Variants in BCAS3 observed in about 807,000 individuals in gnomAD.
BCAS3 encodes BCAS3 microtubule associated cell migration factor, also known as BCAS4/BCAS3 fusion.
BCAS3 carries 53 observed loss-of-function variants against 116.1 expected under a neutral mutation model. The observed-to-expected ratio is 0.46, with a 90% confidence interval of 0.37 to 0.57. The LOEUF is 0.57. Ranked by LOEUF, BCAS3 falls within the 20% of genes least tolerant of loss-of-function variation. The pLI, the probability that BCAS3 is intolerant of heterozygous loss-of-function variation, is 0.00. For missense variants in BCAS3, 917 were observed against 1,165.4 expected, an observed-to-expected ratio of 0.79 and a Z score of 3.10; for synonymous variants, 391 against 408.2, an observed-to-expected ratio of 0.96 and a Z score of 0.51.
chr17:61,277,463 A>G (rs1041397248), intron 22 of BCAS3, among the ~76,000 whole-genome samples: 7 of 152,122 alleles, frequency 4.6e-5, no homozygotes, highest in African/African-American at 9.7e-5. Context: ...TATGACACCA[A>G]AAGTACAAAC....
In BCAS3 at chr17:61,244,031, T is replaced by C. The variant is rs1411218085; in HGVS notation, c.2426-124296T>C. On this transcript the variant is annotated intron_variant, in intron 22 of 23. Coordinates refer to ENST00000407086, the MANE Select transcript of BCAS3 (RefSeq NM_017679.5). The surrounding 1 kb of genome is among the most constrained non-coding windows in gnomAD (Gnocchi z 4.9). The stretch of plus-strand genomic sequence containing the variant: ...GTCCTGAACTCCTGGCCTCAAGTGA[T>C]TCTCCCTGTCTCAGCCTCCCAAAGG... 6.6e-6 allele frequency among the ~76,000 whole-genome samples: 1 copy of C among 152,116 alleles called. No individual in the cohort carries two copies. The highest frequency in any genetic ancestry group is 1.5e-5 in the Non-Finnish European group (1 of 68,018).
Position 61,348,688 on chromosome 17 carries a change from G to A in BCAS3, c.2426-19639G>A, listed in dbSNP as rs2057649160. On this transcript the variant is annotated intron_variant, in intron 22 of 23. Transcript: ENST00000407086. The surrounding 1 kb of genome is among the most constrained non-coding windows in gnomAD (Gnocchi z 4.5). Reference sequence around the variant, plus strand: ...GTTGCCCACAAGGGACCACATCATTGTACCTAAGCTGCCATGATCATGGGA... The same window carrying A: ...GTTGCCCACAAGGGACCACATCATTATACCTAAGCTGCCATGATCATGGGA... Among the ~76,000 whole-genome samples the A allele has an allele frequency of 6.6e-6, 1 of 151,716 alleles. No homozygotes were observed.
rs2057673630 is a variant in BCAS3, at chr17:61,348,973, T to C, written c.2426-19354T>C. Among the ~76,000 whole-genome samples the C allele has an allele frequency of 6.6e-6, 1 of 151,788 alleles. No homozygotes were observed. The highest frequency in any genetic ancestry group is 1.5e-5 in the Non-Finnish European group (1 of 67,956). ...TTCACCGTGTTAGCCAGGATGGTCT[T>C]GATCTCCTGACCTCATGATCCACCC... On this transcript the variant is annotated intron_variant, in intron 22 of 23. Coordinates refer to ENST00000407086, the MANE Select transcript of BCAS3 (RefSeq NM_017679.5). This position sits in a 1 kb window ranked among gnomAD's most constrained non-coding sequence, Gnocchi z 4.5.
chr17:60,861,293 G>T (rs1240738733), intron 7 of BCAS3, among the ~76,000 whole-genome samples: 1 of 152,032 alleles, frequency 6.6e-6, no homozygotes, highest in Non-Finnish European at 1.5e-5. Flanking sequence ...CTCTCAGCTG[G>T]GATATTATCG....
chr17:61,195,056 G>A (rs888289063), intron 22 of BCAS3, among the ~76,000 whole-genome samples: 6 of 152,284 alleles, frequency 3.9e-5, no homozygotes, highest in African/African-American at 7.2e-5. Context: ...AGACTCTGTC[G>A]ATCTGTTGCA....
In BCAS3 at chr17:61,300,618, G is replaced by A. The variant is rs1462320990; in HGVS notation, c.2426-67709G>A. ...AGTAATGCCATGCGAGGGCAAGCTG[G>A]GAACAGTGAACACTCAAACAATGAG... On this transcript the variant is annotated intron_variant, in intron 22 of 23. Transcript: ENST00000407086. The surrounding 1 kb of genome is among the most constrained non-coding windows in gnomAD (Gnocchi z 5.1). 6.6e-6 allele frequency among the ~76,000 whole-genome samples: 1 copy of A among 152,140 alleles called. No individual in the cohort carries two copies. The highest frequency in any genetic ancestry group is 2.1e-4 in the South Asian group (1 of 4,822).
In BCAS3 at chr17:61,106,808, G is replaced by T. The variant is rs531080566; in HGVS notation, c.2425+22244G>T. ...GTCTGATTTTCTATCATTAAACTTT[G>T]AGATCGTTTAGAATTTTTTACCATA... On this transcript the variant is annotated intron_variant, in intron 22 of 23. Coordinates refer to ENST00000407086, the MANE Select transcript of BCAS3 (RefSeq NM_017679.5). The surrounding 1 kb of genome is among the most constrained non-coding windows in gnomAD (Gnocchi z 4.2). Among the ~76,000 whole-genome samples the T allele has an allele frequency of 1.6e-4, 24 of 152,234 alleles. No homozygotes were observed. The highest frequency in any genetic ancestry group is 5.3e-4 in the African/African-American group (22 of 41,550).
chr17:60,984,100 C>T (rs1326552991), intron 14 of BCAS3, among the ~76,000 whole-genome samples: 1 of 152,192 alleles, frequency 6.6e-6, no homozygotes, highest in African/African-American at 2.4e-5. Context: ...GCTTTTAGGA[C>T]AGTCTTTAAT....
At chr17:60,882,998 TGG>T (rs2056321511) in intron 9 of BCAS3, among the ~76,000 whole-genome samples, 1 of 120,942 alleles carries the variant, frequency 8.3e-6, no homozygotes, top group Non-Finnish European at 1.7e-5. Flanking sequence ...GGTAGCTTGA[TGG>T]GGATGGCATT....
rs4968537 is a variant in BCAS3 at position 61,205,905 on chromosome 17, C to T, written c.2425+121341C>T. Among the ~76,000 whole-genome samples, 134,822 of 151,880 alleles carry T rather than the reference C, an allele frequency of 0.89. 60,452 individuals are homozygous for T. Among genetic ancestry groups the T allele is most frequent in the Non-Finnish European group, 0.96 (65,385 of 67,958 alleles). Reference sequence around the variant, plus strand: ...GGCAAACACAACCAAAAAGACAGCCCTTTTGCTTAGTTAGGAAGATAATTT... The same window carrying T: ...GGCAAACACAACCAAAAAGACAGCCTTTTTGCTTAGTTAGGAAGATAATTT... On this transcript the variant is annotated intron_variant, in intron 22 of 23. Coordinates refer to ENST00000407086, the MANE Select transcript of BCAS3 (RefSeq NM_017679.5). The surrounding 1 kb of genome is among the most constrained non-coding windows in gnomAD (Gnocchi z 5.2).
chr17:61,045,614 G>GGCCAACATGACGAA (rs2067982946), intron 19 of BCAS3, among the ~76,000 whole-genome samples: 1 of 149,374 alleles, frequency 6.7e-6, no homozygotes, highest in Admixed American at 6.8e-5. Flanking sequence ...CCAGGAGTTT[G>GGCCAACATGACGAA]ATATCAGCCT....
chr17:60,866,581 C>T (rs955463272), intron 7 of BCAS3, among the ~76,000 whole-genome samples: 1 of 152,120 alleles, frequency 6.6e-6, no homozygotes, highest in Admixed American at 6.5e-5. Context: ...ACTCTTCTAC[C>T]TTACGAAAGA....
intron 22 of BCAS3, among the ~76,000 whole-genome samples, chr17:61,193,750 T>C (rs1422971981): frequency 1.1e-4 from 5 of 46,718 alleles, no homozygotes; most frequent in South Asian, 1.0e-3. Context: ...AGAGCGAAAC[T>C]CCATCTCAAA....
At chr17:60,693,620 C>T (rs1208666255) in intron 4 of BCAS3, among the ~76,000 whole-genome samples, 1 of 151,314 alleles carries the variant, frequency 6.6e-6, no homozygotes, top group East Asian at 1.9e-4. Flanking sequence ...ACCATGTTCC[C>T]TAAACTGGTC....
intron 22 of BCAS3, among the ~76,000 whole-genome samples, chr17:61,185,313 T>C (rs1404307572): frequency 1.3e-5 from 2 of 152,134 alleles, no homozygotes; most frequent in Non-Finnish European, 2.9e-5. Context: ...AAAATAAAAA[T>C]TTTATTTGAA....
chr17:61,227,619 G>A lies in BCAS3; in HGVS notation c.2426-140708G>A, dbSNP rs1448271023. ...AAGGCCACATGGCCGAGAGACAGGT[G>A]GGAAGCCAAGGAAGAATAAATTGGG... On this transcript the variant is annotated intron_variant, in intron 22 of 23. Coordinates refer to ENST00000407086, the MANE Select transcript of BCAS3 (RefSeq NM_017679.5). This position sits in a 1 kb window ranked among gnomAD's most constrained non-coding sequence, Gnocchi z 6.1. Among the ~76,000 whole-genome samples the A allele has an allele frequency of 6.6e-6, 1 of 152,178 alleles. No homozygotes were observed. The highest frequency in any genetic ancestry group is 2.4e-5 in the African/African-American group (1 of 41,440).
chr17:61,313,863 A>T lies in BCAS3; in HGVS notation c.2426-54464A>T, dbSNP rs2054525032. ...ATGTTTCAATGCCGCGGAGCCAGTG[A>T]CCACACGTGGGCCTGCTGTCTCCTC... On this transcript the variant is annotated intron_variant, in intron 22 of 23. Coordinates refer to ENST00000407086, the MANE Select transcript of BCAS3 (RefSeq NM_017679.5). This position sits in a 1 kb window ranked among gnomAD's most constrained non-coding sequence, Gnocchi z 4.3. Among the ~76,000 whole-genome samples, 1 of 152,150 alleles carries T rather than the reference A, an allele frequency of 6.6e-6. No individual in the cohort carries two copies. The highest frequency in any genetic ancestry group is 1.5e-5 in the Non-Finnish European group (1 of 68,030).
intron 6 of BCAS3, among the ~76,000 whole-genome samples, chr17:60,757,325 TAATAATAAATA>T (rs1480887878): frequency 8.8e-4 from 126 of 143,054 alleles, no homozygotes; most frequent in Admixed American, 4.2e-3. Context: ...AAAAAAATAA[TAATAATAAATA>T]AATAAATAAA....
chr17:61,093,862 C>G (rs1404440017), intron 22 of BCAS3, among the ~76,000 whole-genome samples: 1 of 152,092 alleles, frequency 6.6e-6, no homozygotes, highest in Non-Finnish European at 1.5e-5. Context: ...GTTTTTCATT[C>G]TGGTTATCTT....
Sources: gnomAD v4.1 joint callset for allele counts (sites outside exome capture counted in the v4.1 genomes callset) on GRCh38, gnomAD v4.1.1 for gene constraint, Gnocchi (gnomAD v3.1) non-coding constraint, MANE v1.5 for transcripts, NCBI Gene and HGNC (gene_info 2026-07-23, HGNC 2026-07-21) for gene names.